The following NLRC4 variants were observed in gnomAD, a reference collection of about 807,000 sequenced individuals.
The protein encoded by NLRC4 is NLR family CARD domain-containing protein 4.
Under a neutral mutation model 79.9 loss-of-function variants are expected in NLRC4, and 63 were observed. The ratio of observed to expected loss-of-function variants is 0.79; its 90% CI spans 0.64 to 0.97. NLRC4 has a LOEUF of 0.97. NLRC4 is among the 50% of genes least tolerant of loss of function. The probability of loss-of-function intolerance (pLI) is 0.00; values close to 1 mark genes in which losing one functional copy is unlikely to be tolerated. For missense variants in NLRC4, 1,074 were observed against 1,215.2 expected (o/e 0.88, Z 1.73); for synonymous variants, 461 against 456.5 (o/e 1.01, Z -0.12).
chr2:32,254,029 G>T (rs971069168), intron 2 of NLRC4, among the ~76,000 whole-genome samples: 7 of 151,534 alleles, frequency 4.6e-5, no homozygotes, highest in Non-Finnish European at 8.8e-5. Flanking sequence ...GGCCCTCTGG[G>T]AGTAAAGGCC....
rs183431912 is a variant in NLRC4 at position 32,264,764 on chromosome 2, T to C, written c.-145A>G. 1 of 152,312 alleles carries C rather than the reference T, an allele frequency of 6.6e-6. No individual in the cohort carries two copies. Among genetic ancestry groups the C allele is most frequent in the Admixed American group, 6.5e-5 (1 of 15,296 alleles). 9.4% of individuals were successfully genotyped at this position (152,312 alleles called of 1,614,324 possible). On this transcript the variant is annotated 5_prime_UTR_variant, in exon 1 of 9. Coordinates refer to ENST00000402280, the MANE Select transcript of NLRC4 (RefSeq NM_001199138.2). ...TGGCTGAGCAATCCAATTGCCCTCT[T>C]CTTGGGAGACCAAGACATGTTTTTA... is the stretch of plus-strand genomic sequence containing the variant.
In NLRC4 at chr2:32,236,305, A is replaced by C. The variant is rs776762816; in HGVS notation, c.2556T>G (p.Ile852Met). The change falls in exon 7 of 9, where the codon ATT becomes ATG. Residue 852 changes from isoleucine (I) to methionine (M), a missense_variant. Transcript: ENST00000402280. ...CCAGGTAATTTTCTGATAAATCAAGAATGCTCAGTTTGACCAAATTGTGAA... is the reference window on the plus strand; with the variant it reads ...CCAGGTAATTTTCTGATAAATCAAGCATGCTCAGTTTGACCAAATTGTGAA... The part of the protein sequence containing the change: ...QNLHNLVKLS[I>M]LDLSENYLEK... The C allele has an allele frequency of 1.2e-6, 2 of 1,612,430 alleles. No homozygotes were observed. Among genetic ancestry groups the C allele is most frequent in the East Asian group, 4.5e-5 (2 of 44,840 alleles).
chr2:32,226,634 A>G (rs1686405369), intron 8 of NLRC4, among the ~76,000 whole-genome samples: 1 of 152,166 alleles, frequency 6.6e-6, no homozygotes, highest in Non-Finnish European at 1.5e-5. Flanking sequence ...TAATCCCAGC[A>G]CTTTGGGAGG....
intron 1 of NLRC4, among the ~76,000 whole-genome samples, chr2:32,263,015 T>C (rs1687389098): frequency 6.6e-6 from 1 of 152,004 alleles, no homozygotes; most frequent in African/African-American, 2.4e-5. Flanking sequence ...CATGCCCAGC[T>C]GGAAAATAAT....
At chr2:32,257,015 C>G (rs1370154551) in intron 1 of NLRC4, 122 bp from the exon 2 acceptor site, 9 of 483,564 alleles carry the variant, frequency 1.9e-5, no homozygotes, top group Non-Finnish European at 2.2e-5. Flanking sequence ...AAAACTCGCT[C>G]AAAGCCCCTG....
chr2:32,229,636 T>C (rs1686485618), intron 8 of NLRC4, among the ~76,000 whole-genome samples: 1 of 152,156 alleles, frequency 6.6e-6, no homozygotes, highest in Non-Finnish European at 1.5e-5. Flanking sequence ...CAGCAGATAG[T>C]CTAGACCAAG....
intron 3 of NLRC4, 31 bp from the exon 4 acceptor site, chr2:32,251,632 C>T (rs755769546): frequency 1.4e-6 from 2 of 1,468,796 alleles, no homozygotes. Flanking sequence ...TTAAAGAAGA[C>T]CCAATTCTGT....
chr2:32,251,614 A>C lies in NLRC4; in HGVS notation c.263-13T>G. 6.4e-7 allele frequency: 1 copy of C among 1,553,800 alleles called. No homozygotes were observed. The highest frequency in any genetic ancestry group is 8.7e-7 in the Non-Finnish European group (1 of 1,148,890). ...TGATGAAAAAGACCTATTAGAGAAGAGGTGATGTTAAAGAAGACCCAATTC... is the reference window on the plus strand; with the variant it reads ...TGATGAAAAAGACCTATTAGAGAAGCGGTGATGTTAAAGAAGACCCAATTC... On this transcript the variant is annotated splice_polypyrimidine_tract_variant and intron_variant, in intron 3 of 8. Transcript: ENST00000402280.
intron 4 of NLRC4, among the ~76,000 whole-genome samples, chr2:32,245,542 G>C (rs76497514): frequency 6.6e-6 from 1 of 152,058 alleles, no homozygotes; most frequent in South Asian, 2.1e-4. Context: ...GGATAAATAA[G>C]ATCTAGTATT....
upstream of NLRC4, chr2:32,265,693 C>G (rs1432681626): frequency 6.6e-6 from 1 of 152,422 alleles, no homozygotes; most frequent in South Asian, 2.1e-4. Flanking sequence ...TTGGTCCACT[C>G]CACCGATGAC....
At chr2:32,247,843 A>G (rs964532122) in intron 4 of NLRC4, among the ~76,000 whole-genome samples, 1 of 151,812 alleles carries the variant, frequency 6.6e-6, no homozygotes, top group Admixed American at 6.6e-5. Flanking sequence ...ACTAATAAAA[A>G]TGAAATCATG....
chr2:32,261,738 G>C (rs142423452), intron 1 of NLRC4, among the ~76,000 whole-genome samples: 1 of 152,132 alleles, frequency 6.6e-6, no homozygotes, highest in Non-Finnish European at 1.5e-5. Context: ...AGAAAATAAA[G>C]TTTCCCTTTT....
intron 3 of NLRC4, among the ~76,000 whole-genome samples, chr2:32,252,146 A>T (rs1345509065): frequency 6.6e-6 from 1 of 152,210 alleles, no homozygotes; most frequent in Admixed American, 6.5e-5. Context: ...CTGGAAGCTT[A>T]ACTAGTGCAC....
rs1272906324 is a variant in NLRC4, at chr2:32,236,244, TACTC to T, written c.2613_2614+2del. 1.9e-6 allele frequency: 3 copies of T among 1,581,278 alleles called. No individual in the cohort carries two copies. Among genetic ancestry groups the T allele is most frequent in the South Asian group, 1.1e-5 (1 of 88,796 alleles). On this transcript the variant is annotated splice_donor_variant and coding_sequence_variant, in exon 7 of 9. Transcript: ENST00000402280. LOFTEE classifies it high-confidence loss of function. ...CTAATTTTGGCTGAATTGTCATTCT[TACTC>T]AGTTCATGAAGAGCTTCATTTCCAT...
At chr2:32,244,551 A>AT in intron 4 of NLRC4, among the ~76,000 whole-genome samples, 1 of 152,310 alleles carries the variant, frequency 6.6e-6, no homozygotes, top group Admixed American at 6.5e-5. Context: ...AGGCAAAAAA[A>AT]AAAAATAAAT....
chr2:32,238,338 A>C (rs1191483365), intron 5 of NLRC4, 36 bp from the exon 6 acceptor site: 1 of 1,543,146 alleles, frequency 6.5e-7, no homozygotes, highest in Non-Finnish European at 8.9e-7. Flanking sequence ...TTAGGATACC[A>C]AGTTAATTCG....
At chr2:32,260,213 C>CAAAAAAAA (rs1197388989) in intron 1 of NLRC4, among the ~76,000 whole-genome samples, 7 of 75,014 alleles carry the variant, frequency 9.3e-5, no homozygotes, top group Non-Finnish European at 1.6e-4. Context: ...TGGGCAACGA[C>CAAAAAAAA]AAAAAAAAAA....
intron 8 of NLRC4, among the ~76,000 whole-genome samples, chr2:32,234,575 G>T (rs1686629352): frequency 6.6e-6 from 1 of 152,164 alleles, no homozygotes; most frequent in Non-Finnish European, 1.5e-5. Context: ...TCCATACGCT[G>T]GATTGGAATA....
chr2:32,235,372 T>C (rs552985330), intron 8 of NLRC4, 29 bp downstream of exon 8: 1 of 1,566,296 alleles, frequency 6.4e-7, no homozygotes, highest in South Asian at 1.1e-5. Context: ...CCAAATCCAG[T>C]TATCTTGGCT....
Sources: allele counts gnomAD v4.1 joint callset (sites outside exome capture counted in the v4.1 genomes callset), GRCh38; gene constraint gnomAD v4.1.1; transcripts MANE v1.5; gene names NCBI Gene and HGNC (gene_info 2026-07-23, HGNC 2026-07-21).